Variants in PTPRR observed in about 807,000 individuals in gnomAD.
PTPRR encodes protein tyrosine phosphatase receptor type R.
Under a neutral mutation model 77.2 loss-of-function variants are expected in PTPRR, and 38 were observed. The ratio of observed to expected loss-of-function variants is 0.49; its 90% CI spans 0.38 to 0.65. The LOEUF is 0.65. PTPRR is among the 30% of genes least tolerant of loss of function. The probability of loss-of-function intolerance (pLI) is 0.00; values close to 1 mark genes in which losing one functional copy is unlikely to be tolerated. For synonymous variants in PTPRR, 299 were observed against 283.1 expected (o/e 1.06, Z -0.57); for missense variants, 744 against 799.2 (o/e 0.93, Z 0.83).
intron 10 of PTPRR, among the ~76,000 whole-genome samples, chr12:70,681,732 A>G (rs558975441): frequency 3.9e-5 from 6 of 152,308 alleles, no homozygotes; most frequent in Admixed American, 3.3e-4. Context: ...CGGCTTCTCT[A>G]GTCGGCTCTC....
At chr12:70,823,449 C>T (rs887475362) in intron 2 of PTPRR, among the ~76,000 whole-genome samples, 1 of 152,154 alleles carries the variant, frequency 6.6e-6, no homozygotes, top group Non-Finnish European at 1.5e-5. Flanking sequence ...TGCCCTGAAT[C>T]GAATTCTGAA....
intron 2 of PTPRR, among the ~76,000 whole-genome samples, chr12:70,803,926 T>G (rs1361538646): frequency 6.6e-6 from 1 of 152,132 alleles, no homozygotes; most frequent in Non-Finnish European, 1.5e-5. Flanking sequence ...TGTGTGTATT[T>G]ATGTATTCAG....
At chr12:70,900,553 C>A (rs926269398) in intron 1 of PTPRR, among the ~76,000 whole-genome samples, 4 of 151,420 alleles carry the variant, frequency 2.6e-5, no homozygotes, top group African/African-American at 9.7e-5. Flanking sequence ...AAAGCTTCTG[C>A]ACAGCAAAGG....
chr12:70,823,710 C>G (rs2137043382), intron 2 of PTPRR, among the ~76,000 whole-genome samples: 1 of 152,296 alleles, frequency 6.6e-6, no homozygotes, highest in African/African-American at 2.4e-5. Flanking sequence ...AGGGAGGTGG[C>G]AGCTGCCTGC....
At chr12:70,727,130 A>C (rs185498679) in intron 6 of PTPRR, among the ~76,000 whole-genome samples, 4 of 152,304 alleles carry the variant, frequency 2.6e-5, no homozygotes, top group Admixed American at 2.6e-4. Flanking sequence ...GTGGAAGAAG[A>C]AATCTTGAAA....
intron 2 of PTPRR, among the ~76,000 whole-genome samples, chr12:70,766,155 C>G (rs987436175): frequency 5.3e-5 from 8 of 152,212 alleles, no homozygotes; most frequent in African/African-American, 1.9e-4. Flanking sequence ...CGGAACAAAG[C>G]TGGACAGAGA....
chr12:70,817,416 A>G (rs769658334), intron 2 of PTPRR, among the ~76,000 whole-genome samples: 5 of 152,230 alleles, frequency 3.3e-5, no homozygotes, highest in Non-Finnish European at 7.3e-5. Context: ...TTATGGATAT[A>G]AAAGAGAATG....
Position 70,853,556 on chromosome 12 carries a change from C to T in PTPRR, c.357+39123G>A, listed in dbSNP as rs140617043. 9.3e-4 allele frequency among the ~76,000 whole-genome samples: 142 copies of T among 152,308 alleles called. 1 individual carries two copies. The highest frequency in any genetic ancestry group is 8.3e-3 in the South Asian group (40 of 4,830). On this transcript the variant is annotated intron_variant, in intron 2 of 13. Coordinates refer to ENST00000283228, the MANE Select transcript of PTPRR (RefSeq NM_002849.4). Reference sequence around the variant, plus strand: ...CCTTTGGATTTTCTGTGGTTTCTGGCCTTTCCACTCAATATTGCTCAATCT... The same window carrying T: ...CCTTTGGATTTTCTGTGGTTTCTGGTCTTTCCACTCAATATTGCTCAATCT...
At chr12:70,741,990 A>C (rs1038095759) in intron 6 of PTPRR, among the ~76,000 whole-genome samples, 2 of 152,214 alleles carry the variant, frequency 1.3e-5, no homozygotes, top group African/African-American at 4.8e-5. Flanking sequence ...CAACTGAAAA[A>C]GAGGAAGAGA....
At chr12:70,846,925 G>A (rs570626288) in intron 2 of PTPRR, among the ~76,000 whole-genome samples, 71 of 152,042 alleles carry the variant, frequency 4.7e-4, no homozygotes, top group Middle Eastern at 3.4e-3. Flanking sequence ...ATATTTATCC[G>A]AACTGAAATT....
At chr12:70,878,657 T>C (rs1440037088) in intron 2 of PTPRR, among the ~76,000 whole-genome samples, 2 of 152,200 alleles carry the variant, frequency 1.3e-5, no homozygotes, top group African/African-American at 4.8e-5. Context: ...TTGGTGGGAC[T>C]GTAAACTAGT....
In PTPRR at chr12:70,638,499, G is replaced by C. The variant is rs535693458; in HGVS notation, c.*685C>G. On this transcript the variant is annotated 3_prime_UTR_variant, in exon 14 of 14. Transcript: ENST00000283228. ...GAAGCCACCTTTATGCCCAATAATA[G>C]AGAGTAAATACATATATACCCAATG... 1 of 152,710 alleles carries C rather than the reference G, an allele frequency of 6.5e-6. No homozygotes were observed. The highest frequency in any genetic ancestry group is 1.5e-5 in the Non-Finnish European group (1 of 68,028). The allele number at this position is 152,710 out of a possible 1,614,324, so 9.5% of individuals were successfully genotyped here.
intron 1 of PTPRR, among the ~76,000 whole-genome samples, chr12:70,915,631 G>A (rs541611079): frequency 3.9e-5 from 6 of 152,318 alleles, no homozygotes; most frequent in Admixed American, 2.6e-4. Flanking sequence ...CAGTTTGAAA[G>A]ACTTTTTTCA....
intron 1 of PTPRR, among the ~76,000 whole-genome samples, chr12:70,912,989 G>GA: frequency 6.6e-6 from 1 of 151,926 alleles, no homozygotes; most frequent in Non-Finnish European, 1.5e-5. Flanking sequence ...CCTTTTAAAG[G>GA]AAAAAATGGC....
intron 2 of PTPRR, among the ~76,000 whole-genome samples, chr12:70,868,933 G>A (rs1452238162): frequency 4.7e-5 from 7 of 148,838 alleles, no homozygotes; most frequent in Non-Finnish European, 8.9e-5. Flanking sequence ...CTATCACAAG[G>A]ACAAAAAACC....
intron 6 of PTPRR, among the ~76,000 whole-genome samples, chr12:70,720,509 A>ATTTT (rs34611421): frequency 2.2e-5 from 3 of 136,838 alleles, no homozygotes; most frequent in Non-Finnish European, 3.1e-5. Flanking sequence ...TACCCTGGTA[A>ATTTT]TTTTTTTTTT....
chr12:70,918,740 A>T (rs1182501592), intron 1 of PTPRR, among the ~76,000 whole-genome samples: 1 of 152,218 alleles, frequency 6.6e-6, no homozygotes, highest in Non-Finnish European at 1.5e-5. Context: ...TTGTTGGCAG[A>T]CCAGCTAAAT....
intron 13 of PTPRR, among the ~76,000 whole-genome samples, chr12:70,651,641 C>T (rs1410932232): frequency 6.6e-6 from 1 of 152,148 alleles, no homozygotes; most frequent in African/African-American, 2.4e-5. Flanking sequence ...TGCTATGTTG[C>T]CCAGGGTGGG....
chr12:70,761,597 C>T lies in PTPRR; in HGVS notation c.501G>A (p.Val167=). The change falls in exon 4 of 14, where the codon GTG becomes GTA. Residue 167 remains valine, a synonymous_variant. Transcript: ENST00000283228. ...TTCCTGTTTTTCGGTTTATGGGAGA[C>T]ACAAACAGTTCAATACTGTTCTTCT... ...IGKKNSIELF[V]SPINRKTGIS... is the part of the protein sequence containing the mutation. 6.2e-7 allele frequency: 1 copy of T among 1,610,474 alleles called. No individual in the cohort carries two copies. Among genetic ancestry groups the T allele is most frequent in the Admixed American group, 1.7e-5 (1 of 59,458 alleles).
Sources: allele counts gnomAD v4.1 joint callset (sites outside exome capture counted in the v4.1 genomes callset), GRCh38; gene constraint gnomAD v4.1.1; transcripts MANE v1.5; gene names NCBI Gene and HGNC (gene_info 2026-07-23, HGNC 2026-07-21).